Variants in ARHGEF28 observed in about 807,000 individuals in gnomAD.
ARHGEF28 encodes 190 kDa guanine nucleotide exchange factor.
ARHGEF28 carries 152 observed loss-of-function variants against 206.6 expected under a neutral mutation model. The ratio of observed to expected loss-of-function variants is 0.74; its 90% confidence interval spans 0.64 to 0.84. The LOEUF (loss-of-function observed/expected upper bound fraction) is 0.84, where lower values mean the gene tolerates loss of function less well. Ranked by LOEUF, ARHGEF28 falls within the 40% of genes least tolerant of loss-of-function variation. The pLI, the probability that ARHGEF28 is intolerant of heterozygous loss-of-function variation, is 0.00. For missense variants in ARHGEF28, 2,028 were observed against 2,073.2 expected, an observed-to-expected ratio of 0.98 and a Z score of 0.42; for synonymous variants, 763 against 776.4, an observed-to-expected ratio of 0.98 and a Z score of 0.29.
At chr5:73,939,094 C>T (rs1242523774) in intron 35 of ARHGEF28, among the ~76,000 whole-genome samples, 4 of 152,050 alleles carry the variant, frequency 2.6e-5, no homozygotes, top group Admixed American at 6.5e-5. Flanking sequence ...GCACGAGAGT[C>T]TTGATCATTA....
chr5:73,890,181 G>A (rs1026347910), intron 26 of ARHGEF28, among the ~76,000 whole-genome samples: 9 of 152,242 alleles, frequency 5.9e-5, no homozygotes, highest in African/African-American at 1.9e-4. Context: ...ATGCCCCCTG[G>A]TCTGATGGTG....
chr5:73,931,201 A>G (rs538472892), intron 35 of ARHGEF28, among the ~76,000 whole-genome samples: 1 of 152,292 alleles, frequency 6.6e-6, no homozygotes, highest in African/African-American at 2.4e-5. Flanking sequence ...CAGGGTTGCT[A>G]TTGAGAAGTC....
At chr5:73,646,908 G>A (rs58518299) in intron 1 of ARHGEF28, among the ~76,000 whole-genome samples, 1 of 19,844 alleles carries the variant, frequency 5.0e-5, no homozygotes, top group Non-Finnish European at 1.8e-4. Context: ...TTCTTGCCCC[G>A]CCATCACTAG....
intron 2 of ARHGEF28, among the ~76,000 whole-genome samples, chr5:73,740,723 C>G (rs1325310336): frequency 2.0e-5 from 3 of 152,164 alleles, no homozygotes; most frequent in African/African-American, 7.2e-5. Flanking sequence ...TGTCCTTTTC[C>G]TCTGAACGTG....
chr5:73,866,801 G>A (rs1236259921), intron 18 of ARHGEF28, among the ~76,000 whole-genome samples: 2 of 152,178 alleles, frequency 1.3e-5, no homozygotes, highest in Non-Finnish European at 2.9e-5. Flanking sequence ...GAGAGATTTT[G>A]TGACGCCTTC....
intron 1 of ARHGEF28, among the ~76,000 whole-genome samples, chr5:73,650,194 T>C (rs1744712268): frequency 6.6e-6 from 1 of 152,196 alleles, no homozygotes; most frequent in East Asian, 1.9e-4. Flanking sequence ...GTAGTGTGTA[T>C]GCTTGTTTTA....
intron 9 of ARHGEF28, among the ~76,000 whole-genome samples, chr5:73,822,277 G>A (rs768290129): frequency 3.3e-5 from 5 of 152,164 alleles, no homozygotes; most frequent in South Asian, 2.1e-4. Context: ...TGAGAGGCCC[G>A]ACCTCCTTCC....
At chr5:73,896,484 A>G (rs1368926790) in intron 29 of ARHGEF28, among the ~76,000 whole-genome samples, 2 of 152,194 alleles carry the variant, frequency 1.3e-5, no homozygotes, top group Non-Finnish European at 2.9e-5. Flanking sequence ...TGGGTGTGGC[A>G]TGATCTTATT....
Position 73,751,167 on chromosome 5 carries a change from C to T in ARHGEF28, c.181+1183C>T, listed in dbSNP as rs149818823. On this transcript the variant is annotated intron_variant, in intron 3 of 35. Coordinates refer to ENST00000513042, the MANE Select transcript of ARHGEF28 (RefSeq NM_001177693.2). ...GCTCATGCCTGTAATCCCAGCACTA[C>T]GGGAGGCCGAGGTAGGAGGATCACC... Among the ~76,000 whole-genome samples, 748 of 152,280 alleles carry T rather than the reference C, an allele frequency of 4.9e-3. 5 individuals carry two copies. The highest frequency in any genetic ancestry group is 0.017 in the African/African-American group (722 of 41,558).
At chr5:73,627,859 C>T (rs1743103747) in intron 1 of ARHGEF28, among the ~76,000 whole-genome samples, 1 of 151,844 alleles carries the variant, frequency 6.6e-6, no homozygotes. Context: ...GAATGGAGAA[C>T]AGAGAATCAG....
chr5:73,864,871 A>G lies in ARHGEF28; in HGVS notation c.2102A>G (p.Lys701Arg). The change falls in exon 17 of 36, where the codon AAG (lysine) becomes AGG (arginine). Residue 701 changes from lysine (K) to arginine (R), a missense_variant and splice_region_variant. By Grantham distance (26) the Lys-to-Arg change is conservative. Coordinates refer to ENST00000513042, the MANE Select transcript of ARHGEF28 (RefSeq NM_001177693.2). The part of the protein sequence containing the change: ...GCKDAAPACT[K>R]KFQEKYNKNK... ...AAAGATGCTGCGCCTGCATGCACCA[A>G]GGTAATTGCTCAGTGATCTGTGAAT... 1.9e-6 allele frequency: 3 copies of G among 1,613,206 alleles called. No homozygotes were observed. The highest frequency in any genetic ancestry group is 2.5e-6 in the Non-Finnish European group (3 of 1,179,418).
At chr5:73,750,733 A>G (rs1409717858) in intron 3 of ARHGEF28, among the ~76,000 whole-genome samples, 3 of 152,190 alleles carry the variant, frequency 2.0e-5, no homozygotes, top group Admixed American at 6.5e-5. Flanking sequence ...GTCATTACCT[A>G]CAGGACAGGG....
intron 9 of ARHGEF28, among the ~76,000 whole-genome samples, chr5:73,830,338 G>A (rs2112556479): frequency 6.6e-6 from 1 of 152,182 alleles, no homozygotes. Context: ...TGGATCACGA[G>A]GTCAGAAGGT....
intron 9 of ARHGEF28, among the ~76,000 whole-genome samples, chr5:73,830,169 T>G (rs1757201390): frequency 6.6e-6 from 1 of 152,136 alleles, no homozygotes; most frequent in Non-Finnish European, 1.5e-5. Context: ...TGGGCTCAGG[T>G]CAGATTGTGC....
At chr5:73,642,459 T>A (rs1246682114) in intron 1 of ARHGEF28, among the ~76,000 whole-genome samples, 1 of 152,226 alleles carries the variant, frequency 6.6e-6, no homozygotes, top group Non-Finnish European at 1.5e-5. Context: ...TAGTCTTGAC[T>A]CAGAATTCTG....
Position 73,880,261 on chromosome 5 carries a change from G to A in ARHGEF28, c.2815-2211G>A, listed in dbSNP as rs189296065. The stretch of plus-strand genomic sequence containing the variant: ...GTGGGATATAATATCCTGGTGCGCC[G>A]TTTCCTAAGCCCGTCGGAAAAGCGC... On this transcript the variant is annotated intron_variant, in intron 22 of 35. Transcript: ENST00000513042. Among the ~76,000 whole-genome samples the A allele has an allele frequency of 1.7e-3, 253 of 152,326 alleles. 1 individual carries two copies. The highest frequency in any genetic ancestry group is 5.7e-3 in the African/African-American group (236 of 41,578).
chr5:73,804,469 G>A (rs984283980), intron 9 of ARHGEF28, among the ~76,000 whole-genome samples: 21 of 152,206 alleles, frequency 1.4e-4, no homozygotes, highest in East Asian at 7.7e-4. Context: ...TTTTAGCATC[G>A]GTTCCACAAA....
At chr5:73,719,538 C>G (rs919594260) in intron 2 of ARHGEF28, among the ~76,000 whole-genome samples, 3 of 152,054 alleles carry the variant, frequency 2.0e-5, no homozygotes, top group African/African-American at 7.2e-5. Context: ...TGACATTTCT[C>G]TTTTCCTTTC....
chr5:73,632,782 G>T (rs1436129520), intron 1 of ARHGEF28, among the ~76,000 whole-genome samples: 1 of 152,090 alleles, frequency 6.6e-6, no homozygotes, highest in Non-Finnish European at 1.5e-5. Flanking sequence ...AGTTCTTCCA[G>T]ATGCTATCTG....
Sources: gnomAD v4.1 joint callset for allele counts (sites outside exome capture counted in the v4.1 genomes callset) on GRCh38, gnomAD v4.1.1 for gene constraint, MANE v1.5 for transcripts, NCBI Gene and HGNC (gene_info 2026-07-23, HGNC 2026-07-21) for gene names.